ZNF451: variants seen among roughly 807,000 people sequenced by gnomAD.
ZNF451 encodes E3 SUMO-protein ligase ZNF451.
A neutral mutation model predicts 107.1 loss-of-function variants in ZNF451; 80 were observed. The observed-to-expected ratio is 0.75, with a 90% CI of 0.62 to 0.90. The LOEUF (loss-of-function observed/expected upper bound fraction) is 0.90. Ranked by LOEUF, ZNF451 falls within the 40% of genes least tolerant of loss-of-function variation. The pLI is 0.00. For synonymous variants in ZNF451, 362 were observed against 406.5 expected (o/e 0.89, Z 1.32); for missense variants, 1,107 against 1,236.2 (o/e 0.90, Z 1.57).
rs200039225 is a variant in ZNF451 at position 57,148,321 on chromosome 6, C to T, written c.2236C>T (p.Leu746=). The change falls in exon 10 of 15, where the codon CTG becomes TTG. Residue 746 remains leucine, a synonymous_variant. Transcript: ENST00000370706. ...TTATAGCAGATGTCTCCAAATCATG[C>T]TGGATAAAGGAAAACTGTGGTTTCG... ...EDYSRCLQIM[L]DKGKLWFRCS... 6.2e-7 allele frequency: 1 copy of T among 1,613,948 alleles called. No individual in the cohort carries two copies. The highest frequency in any genetic ancestry group is 2.2e-5 in the East Asian group (1 of 44,862).
At chr6:57,152,038 A>G (rs1171613991) in intron 11 of ZNF451, 183 bp from the exon 12 acceptor site, 5 of 506,644 alleles carry the variant, frequency 9.9e-6, no homozygotes, top group Non-Finnish European at 1.7e-5. Flanking sequence ...AAGTTGGTCC[A>G]CTTTCTCAAG....
At chr6:57,108,796 CTG>C (rs1330601677) in intron 3 of ZNF451, 2 of 985,430 alleles carry the variant, frequency 2.0e-6, no homozygotes, top group Non-Finnish European at 2.4e-6. Context: ...AGTACAGGCT[CTG>C]TGCTGATTGC....
intron 13 of ZNF451, among the ~76,000 whole-genome samples, chr6:57,154,999 G>A (rs1340219470): frequency 6.6e-6 from 1 of 152,090 alleles, no homozygotes; most frequent in Admixed American, 6.6e-5. Context: ...CTTCTGCAAA[G>A]TTAGGAATCA....
At chr6:57,104,869 T>C (rs1252510041) in intron 3 of ZNF451, 3 of 985,340 alleles carry the variant, frequency 3.0e-6, no homozygotes, top group African/African-American at 1.7e-5. Context: ...TGGGAAATTA[T>C]CAAATTGGTG....
rs1198689726 is a variant in ZNF451 at position 57,138,284 on chromosome 6, ACGGAGCCTCGCT to A, written c.703-3017_703-3006del. On this transcript the variant is annotated intron_variant, in intron 7 of 14. Transcript: ENST00000370706. ...GTTCTGCCTTTTTTTTTTTTTTAAG[ACGGAGCCTCGCT>A]GTCTTGTGCAGGCTGGAGTGCAGTG... 7.9e-4 allele frequency among the ~76,000 whole-genome samples: 117 copies of A among 148,566 alleles called. 1 individual carries two copies. The highest frequency in any genetic ancestry group is 2.8e-3 in the African/African-American group (113 of 40,066).
At chr6:57,134,051 T>C (rs1014839440) in intron 6 of ZNF451, 1 of 152,284 alleles carries the variant, frequency 6.6e-6, no homozygotes, top group African/African-American at 2.4e-5. Context: ...CGACTCCCCA[T>C]AGCCTCCCTT....
chr6:57,160,440 CT>C (rs1290498612), intron 13 of ZNF451, among the ~76,000 whole-genome samples: 4 of 151,990 alleles, frequency 2.6e-5, no homozygotes, highest in Non-Finnish European at 5.9e-5. Context: ...TTCAAGCGAT[CT>C]TCCTACCTCA....
In ZNF451 at chr6:57,118,264, C is replaced by G. The variant is rs536199757; in HGVS notation, c.187-6470C>G. On this transcript the variant is annotated intron_variant, in intron 3 of 14. Coordinates refer to ENST00000370706, the MANE Select transcript of ZNF451 (RefSeq NM_001031623.3). ...GTAATTTATACCTTGTCCACTTTGC[C>G]TGTATGTTAATGTGACCTTGGTTTA... is the stretch of plus-strand genomic sequence containing the variant. Among the ~76,000 whole-genome samples, 7 of 151,878 alleles carry G rather than the reference C, an allele frequency of 4.6e-5. No individual in the cohort carries two copies. The East Asian group carries it at 1.4e-3, about 29-fold the overall frequency.
At chr6:57,129,363 G>A (rs1432105619) in intron 5 of ZNF451, among the ~76,000 whole-genome samples, 1 of 152,136 alleles carries the variant, frequency 6.6e-6, no homozygotes, top group Non-Finnish European at 1.5e-5. Context: ...TGTGGAACAT[G>A]TCTTACTCCA....
chr6:57,138,727 A>G (rs1470976070), intron 7 of ZNF451, among the ~76,000 whole-genome samples: 563 of 114,462 alleles, frequency 4.9e-3, no homozygotes, highest in Non-Finnish European at 6.7e-3. Flanking sequence ...ATATATATAT[A>G]TATATATATA....
intron 2 of ZNF451, among the ~76,000 whole-genome samples, chr6:57,094,650 T>C (rs1402220077): frequency 6.6e-6 from 1 of 152,214 alleles, no homozygotes; most frequent in African/African-American, 2.4e-5. Context: ...TTTTTCTTGA[T>C]ATTTTTATTA....
intron 2 of ZNF451, among the ~76,000 whole-genome samples, chr6:57,098,557 A>C (rs1189412340): frequency 6.6e-6 from 1 of 152,164 alleles, no homozygotes; most frequent in Non-Finnish European, 1.5e-5. Flanking sequence ...TATTGAATAA[A>C]ATCTAGGCTT....
intron 14 of ZNF451, among the ~76,000 whole-genome samples, chr6:57,162,406 A>T (rs1030539842): frequency 2.0e-5 from 3 of 152,228 alleles, no homozygotes; most frequent in Non-Finnish European, 4.4e-5. Context: ...GATAGCTGTA[A>T]TCTTTCTGCC....
chr6:57,140,458 T>A (rs1831696824), intron 7 of ZNF451, among the ~76,000 whole-genome samples: 1 of 152,166 alleles, frequency 6.6e-6, no homozygotes, highest in Non-Finnish European at 1.5e-5. Context: ...TATATATTAC[T>A]GCCAGGCTCA....
Position 57,148,403 on chromosome 6 carries a change from A to G in ZNF451, c.2318A>G (p.His773Arg). Residue 773 changes from histidine (H) to arginine (R), a missense_variant, in exon 10 of 15, where the codon CAT becomes CGT. This residue lies in a region of ZNF451 where 608 missense variants were observed against 649.2 expected (regional missense o/e 0.94). Coordinates refer to ENST00000370706, the MANE Select transcript of ZNF451 (RefSeq NM_001031623.3). Reference sequence around the variant, plus strand: ...TTAACCGACATGAACACTCATATCCATCAAGTGCACAAAGAAAAGAGTGAT... The same window carrying G: ...TTAACCGACATGAACACTCATATCCGTCAAGTGCACAAAGAAAAGAGTGAT... ...QNLTDMNTHI[H>R]QVHKEKSDEE... 1 of 1,613,932 alleles carries G rather than the reference A, an allele frequency of 6.2e-7. No individual in the cohort carries two copies. The highest frequency in any genetic ancestry group is 8.5e-7 in the Non-Finnish European group (1 of 1,179,900).
intron 3 of ZNF451, chr6:57,099,356 T>G (rs1412276720): frequency 1.5e-6 from 1 of 658,716 alleles, no homozygotes; most frequent in Non-Finnish European, 2.8e-6. Context: ...AATGATAATA[T>G]GACTCTGGGA....
At chr6:57,158,194 T>C (rs1341959221) in intron 13 of ZNF451, among the ~76,000 whole-genome samples, 1 of 152,228 alleles carries the variant, frequency 6.6e-6, no homozygotes, top group Non-Finnish European at 1.5e-5. Context: ...AATACCTGAT[T>C]CCATGATGTA....
chr6:57,139,587 CAA>C (rs1171259800), intron 7 of ZNF451, among the ~76,000 whole-genome samples: 6 of 152,094 alleles, frequency 3.9e-5, no homozygotes, highest in African/African-American at 9.7e-5. Flanking sequence ...AGACCATTAA[CAA>C]GAAGTTAAAT....
At position 57,129,835 on chromosome 6, in the gene ZNF451, T is replaced by C. The variant is rs140865690; in HGVS notation, c.424+995T>C. On this transcript the variant is annotated intron_variant, in intron 5 of 14. Coordinates refer to ENST00000370706, the MANE Select transcript of ZNF451 (RefSeq NM_001031623.3). The stretch of plus-strand genomic sequence containing the variant: ...TCTTTGTTTTCTTCTTACTTGCCTG[T>C]GGGGTTTATACGTGGCCAACAAATA... Among the ~76,000 whole-genome samples, 525 of 152,186 alleles carry C rather than the reference T, an allele frequency of 3.4e-3. 7 individuals carry two copies. Among genetic ancestry groups the C allele is most frequent in the African/African-American group, 0.012 (490 of 41,534 alleles).
Sources: gnomAD v4.1 joint callset for allele counts (sites outside exome capture counted in the v4.1 genomes callset) on GRCh38, gnomAD v4.1.1 for gene constraint, gnomAD v4.1.1 regional missense constraint, MANE v1.5 for transcripts, NCBI Gene and HGNC (gene_info 2026-07-23, HGNC 2026-07-21) for gene names.